RAB5A: variants seen among roughly 807,000 people sequenced by gnomAD.
RAB5A encodes RAB5A, member RAS oncogene family, also known as ras-related protein Rab-5A.
RAB5A carries 8 observed loss-of-function variants against 25.7 expected under a neutral mutation model. That is an observed-to-expected ratio of 0.31 (90% CI 0.18 to 0.56). RAB5A has a LOEUF of 0.56. Among genes scored for constraint, RAB5A ranks in the 20% least tolerant of loss-of-function variants. The pLI, the probability that RAB5A is intolerant of heterozygous loss-of-function variation, is 0.91. For synonymous variants in RAB5A, 98 were observed against 89.8 expected (o/e 1.09, Z -0.52); for missense variants, 192 against 259.7 (o/e 0.74, Z 1.79).
chr3:19,963,245 A>G (rs1188414317), intron 2 of RAB5A, among the ~76,000 whole-genome samples: 2 of 151,514 alleles, frequency 1.3e-5, no homozygotes, highest in East Asian at 1.9e-4. Context: ...GTCATATTTT[A>G]GTATCTGGCA....
rs1277444706 is a variant in RAB5A at position 19,978,417 on chromosome 3, C to A, written c.532+14C>A. The A allele has an allele frequency of 9.2e-6, 14 of 1,528,710 alleles. No homozygotes were observed. Among genetic ancestry groups the A allele is most frequent in the East Asian group, 2.3e-5 (1 of 44,318 alleles). The allele number at this position is 1,528,710 out of a possible 1,614,324, so 94.7% of individuals were successfully genotyped here. ...TCATGGCAATAGGTAAGATTAATAT[C>A]TCTTTTTAAATGATCAATATAAGCA... On this transcript the variant is annotated intron_variant, in intron 5 of 5. Transcript: ENST00000273047.
intron 2 of RAB5A, among the ~76,000 whole-genome samples, chr3:19,973,996 A>G (rs1344036071): frequency 1.3e-5 from 2 of 152,168 alleles, no homozygotes; most frequent in African/African-American, 4.8e-5. Flanking sequence ...ATTCAAGTGC[A>G]TACCAATTTG....
At chr3:19,958,704 C>T (rs191369140) in intron 2 of RAB5A, among the ~76,000 whole-genome samples, 5 of 152,080 alleles carry the variant, frequency 3.3e-5, no homozygotes, top group Non-Finnish European at 5.9e-5. Context: ...ACTAGTGGGG[C>T]GTGGTGTCAT....
At chr3:19,956,248 A>G (rs1175776859) in intron 2 of RAB5A, among the ~76,000 whole-genome samples, 1 of 152,096 alleles carries the variant, frequency 6.6e-6, no homozygotes, top group Non-Finnish European at 1.5e-5. Context: ...GCACACTGGC[A>G]GATCACGAGG....
chr3:19,966,607 T>C (rs1025183634), intron 2 of RAB5A, among the ~76,000 whole-genome samples: 1 of 152,164 alleles, frequency 6.6e-6, no homozygotes, highest in Admixed American at 6.6e-5. Flanking sequence ...ATTTGAGAAA[T>C]CTCTATACAG....
chr3:19,954,187 G>A (rs1696465484), intron 2 of RAB5A, among the ~76,000 whole-genome samples: 2 of 152,188 alleles, frequency 1.3e-5, no homozygotes, highest in East Asian at 1.9e-4. Flanking sequence ...GTGAACTTTT[G>A]TATTTTTAGT....
chr3:19,947,298 A>G lies in RAB5A; in HGVS notation c.-317A>G. The G allele has an allele frequency of 6.0e-6, 1 of 165,608 alleles. No homozygotes were observed. The allele number at this position is 165,608 out of a possible 1,614,324, so 10.3% of individuals were successfully genotyped here. ...CGGCGGCGGCGGCGGAGGAGGAGAAAGGAAAGAGGAAGGGGGAGCGGCGAG... is the reference window on the plus strand; with the variant it reads ...CGGCGGCGGCGGCGGAGGAGGAGAAGGGAAAGAGGAAGGGGGAGCGGCGAG... On this transcript the variant is annotated 5_prime_UTR_variant, in exon 1 of 6. Transcript: ENST00000273047.
intron 5 of RAB5A, among the ~76,000 whole-genome samples, chr3:19,982,161 C>T (rs1696941389): frequency 1.3e-5 from 2 of 151,962 alleles, no homozygotes; most frequent in Non-Finnish European, 2.9e-5. Flanking sequence ...TCTTTTGAGC[C>T]CAGGAGTTCA....
intron 2 of RAB5A, among the ~76,000 whole-genome samples, chr3:19,964,978 T>G (rs1050085090): frequency 3.3e-5 from 5 of 152,230 alleles, no homozygotes; most frequent in African/African-American, 9.6e-5. Flanking sequence ...TCCCCTAGGC[T>G]GGAATGCAGT....
chr3:19,958,352 A>G (rs2125181848), intron 2 of RAB5A, among the ~76,000 whole-genome samples: 1 of 152,364 alleles, frequency 6.6e-6, no homozygotes, highest in African/African-American at 2.4e-5. Flanking sequence ...TCAAATTTAT[A>G]TCACAACCTA....
intron 2 of RAB5A, among the ~76,000 whole-genome samples, chr3:19,960,853 C>T (rs1327537958): frequency 6.6e-6 from 1 of 152,044 alleles, no homozygotes. Context: ...CTTAAGTGTT[C>T]GCAGTAGTAG....
rs1335321246 is a variant in RAB5A at position 19,976,264 on chromosome 3, G to A, written c.438+95G>A. On this transcript the variant is annotated intron_variant, in intron 4 of 5. Transcript: ENST00000273047. ...GAATTAGTTATAATGTCAAAACCAT[G>A]CAAGTAATAGAAAATACTGATTTTT... 7 of 1,322,632 alleles carry A rather than the reference G, an allele frequency of 5.3e-6. No homozygotes were observed. The East Asian group carries it at 1.8e-4, about 33-fold the overall frequency. 81.9% of individuals were successfully genotyped at this position (1,322,632 alleles called of 1,614,324 possible).
At chr3:19,971,802 T>C (rs1248669814) in intron 2 of RAB5A, among the ~76,000 whole-genome samples, 2 of 152,046 alleles carry the variant, frequency 1.3e-5, no homozygotes, top group Admixed American at 1.3e-4. Context: ...GTGAAAAATA[T>C]CTTGATGTTG....
chr3:19,948,252 C>T (rs1696361053), intron 1 of RAB5A, among the ~76,000 whole-genome samples: 1 of 152,332 alleles, frequency 6.6e-6, no homozygotes, highest in Admixed American at 6.5e-5. Flanking sequence ...TCATAGTTCA[C>T]ATACTTGGTT....
chr3:19,959,279 C>G (rs1696549789), intron 2 of RAB5A, among the ~76,000 whole-genome samples: 1 of 152,084 alleles, frequency 6.6e-6, no homozygotes, highest in Non-Finnish European at 1.5e-5. Context: ...TCTGATGATT[C>G]TAAAACTAGA....
chr3:19,947,627 T>A (rs890135777), intron 1 of RAB5A, 106 bp downstream of exon 1: 2 of 152,158 alleles, frequency 1.3e-5, no homozygotes, highest in Admixed American at 1.3e-4. Context: ...CCCCACCCCT[T>A]CTCCCTCACG....
intron 3 of RAB5A, 58 bp downstream of exon 3, chr3:19,975,810 G>T: frequency 6.7e-7 from 1 of 1,495,874 alleles, no homozygotes; most frequent in Non-Finnish European, 9.0e-7. Flanking sequence ...TTGGTGTTCA[G>T]AATTTTGATT....
At chr3:19,966,552 C>G (rs1575072360) in intron 2 of RAB5A, among the ~76,000 whole-genome samples, 1 of 152,076 alleles carries the variant, frequency 6.6e-6, no homozygotes, top group Non-Finnish European at 1.5e-5. Context: ...GATGTATGCC[C>G]GTAAGAGGAA....
chr3:19,961,123 ATAATT>A (rs1210924156), intron 2 of RAB5A, among the ~76,000 whole-genome samples: 1 of 152,240 alleles, frequency 6.6e-6, no homozygotes, highest in African/African-American at 2.4e-5. Flanking sequence ...GAAATAAAGG[ATAATT>A]TAAAGATAGG....
Sources: gnomAD v4.1 joint callset for allele counts (sites outside exome capture counted in the v4.1 genomes callset) on GRCh38, gnomAD v4.1.1 for gene constraint, MANE v1.5 for transcripts, NCBI Gene and HGNC (gene_info 2026-07-23, HGNC 2026-07-21) for gene names.